Variants in THSD4 observed in about 807,000 individuals in gnomAD.
THSD4 encodes the protein thrombospondin type 1 domain containing 4.
A neutral mutation model predicts 119.0 loss-of-function variants in THSD4; 69 were observed. That is an observed-to-expected ratio of 0.58 (90% CI 0.48 to 0.71). The LOEUF (loss-of-function observed/expected upper bound fraction) is 0.71, where lower values mean the gene tolerates loss of function less well. Ranked by LOEUF, THSD4 falls within the 30% of genes least tolerant of loss-of-function variation. The pLI is 0.00. For missense variants in THSD4, 1,393 were observed against 1,391.1 expected (o/e 1.00, Z -0.02); for synonymous variants, 524 against 540.4 (o/e 0.97, Z 0.42).
chr15:71,743,284 T>G (rs2053271731), intron 11 of THSD4, among the ~76,000 whole-genome samples: 1 of 152,206 alleles, frequency 6.6e-6, no homozygotes, highest in African/African-American at 2.4e-5. Context: ...TAAAAAAATT[T>G]GATTTCTCCC....
rs577037459 is a variant in THSD4, at chr15:71,433,786, G to A, written c.1152+21963G>A. Among the ~76,000 whole-genome samples, 193 of 152,196 alleles carry A rather than the reference G, an allele frequency of 1.3e-3. 1 individual carries two copies. Among genetic ancestry groups the A allele is most frequent in the Non-Finnish European group, 2.2e-3 (151 of 68,020 alleles). On this transcript the variant is annotated intron_variant, in intron 7 of 17. Coordinates refer to ENST00000261862, the MANE Select transcript of THSD4 (RefSeq NM_024817.3). The stretch of plus-strand genomic sequence containing the variant: ...GAATGATGGGGCCATGTTAGGCTGG[G>A]CCCTGCCCTGTAGCTGATGGCCCAG...
At chr15:71,583,155 G>A (rs2140852503) in intron 7 of THSD4, among the ~76,000 whole-genome samples, 1 of 152,024 alleles carries the variant, frequency 6.6e-6, no homozygotes, top group East Asian at 1.9e-4. Context: ...CTTAGTAGGT[G>A]GTATATGTTT....
chr15:71,477,916 G>A (rs1376088091), intron 7 of THSD4, among the ~76,000 whole-genome samples: 1 of 151,898 alleles, frequency 6.6e-6, no homozygotes, highest in Non-Finnish European at 1.5e-5. Context: ...AATCTGGCAC[G>A]ATGTAGCAGA....
At chr15:71,665,830 C>T (rs944224762) in intron 8 of THSD4, among the ~76,000 whole-genome samples, 1 of 151,922 alleles carries the variant, frequency 6.6e-6, no homozygotes. Flanking sequence ...TATTTCTGGG[C>T]CTTATTTCTC....
intron 6 of THSD4, among the ~76,000 whole-genome samples, chr15:71,298,676 G>A (rs1182139145): frequency 1.4e-5 from 2 of 144,278 alleles, no homozygotes; most frequent in Admixed American, 7.2e-5. Flanking sequence ...GCAGTGGTGC[G>A]ATCTCGGCTC....
rs1294604448 is a variant in THSD4, at chr15:71,780,741, A to C, written c.*3367A>C. 2.2e-6 allele frequency: 1 copy of C among 455,480 alleles called. No homozygotes were observed. Among genetic ancestry groups the C allele is most frequent in the African/African-American group, 2.0e-5 (1 of 49,976 alleles). The allele number at this position is 455,480 out of a possible 1,614,324, so 28.2% of individuals were successfully genotyped here. On this transcript the variant is annotated 3_prime_UTR_variant, in exon 18 of 18. Transcript: ENST00000261862. ...TCCCTTTACCTTACCTCTCTGGCCC[A>C]GAGTTCTTGGAGGGTTTTTTCTTTA...
chr15:71,194,051 G>A (rs1435815155), intron 3 of THSD4, among the ~76,000 whole-genome samples: 2 of 152,126 alleles, frequency 1.3e-5, no homozygotes, highest in African/African-American at 2.4e-5. Flanking sequence ...CCTTTCACTT[G>A]GCTCTCACTC....
chr15:71,174,846 C>T (rs558310619), intron 3 of THSD4, among the ~76,000 whole-genome samples: 82 of 151,718 alleles, frequency 5.4e-4, no homozygotes, highest in African/African-American at 1.8e-3. Flanking sequence ...CCCGAGCAGC[C>T]TAACTGGGAG....
At chr15:71,470,172 A>AT (rs902094087) in intron 7 of THSD4, among the ~76,000 whole-genome samples, 2 of 152,008 alleles carry the variant, frequency 1.3e-5, no homozygotes, top group East Asian at 1.9e-4. Flanking sequence ...AAATCTTTTC[A>AT]TTTTTTTTCT....
chr15:71,174,304 G>T (rs35872156), intron 3 of THSD4, among the ~76,000 whole-genome samples: 154 of 148,830 alleles, frequency 1.0e-3, no homozygotes, highest in African/African-American at 3.7e-3. Context: ...CCGAAGCAGG[G>T]CGAGGCATTG....
chr15:71,262,117 G>A (rs6494900), intron 6 of THSD4, among the ~76,000 whole-genome samples: 150,805 of 152,282 alleles, frequency 0.99, 74,687 homozygotes, highest in Middle Eastern at 1. Flanking sequence ...AAACAGCTGC[G>A]CTCATTCAGT....
At chr15:71,188,355 C>T (rs1032183694) in intron 3 of THSD4, among the ~76,000 whole-genome samples, 1 of 152,062 alleles carries the variant, frequency 6.6e-6, no homozygotes, top group South Asian at 2.1e-4. Flanking sequence ...AAAGGGTCAC[C>T]TAGATGGAGC....
At chr15:71,731,322 G>C in intron 10 of THSD4, 105 bp downstream of exon 10, 1 of 1,107,310 alleles carries the variant, frequency 9.0e-7, no homozygotes, top group Non-Finnish European at 1.3e-6. Context: ...TCAACACAGA[G>C]AAAATTGAGG....
chr15:71,442,884 C>T (rs1424896850), intron 7 of THSD4, among the ~76,000 whole-genome samples: 1 of 151,064 alleles, frequency 6.6e-6, no homozygotes, highest in African/African-American at 2.4e-5. Flanking sequence ...GGCATCGTTG[C>T]TCCTTTTACT....
At chr15:71,764,969 C>T (rs2053689556) in intron 15 of THSD4, 51 bp from the exon 16 acceptor site, 1 of 1,568,046 alleles carries the variant, frequency 6.4e-7, no homozygotes, top group African/African-American at 1.3e-5. Flanking sequence ...ACAGTAGCTG[C>T]CACCCCCTTT....
At chr15:71,409,386 G>A (rs2046652750) in intron 6 of THSD4, among the ~76,000 whole-genome samples, 1 of 152,186 alleles carries the variant, frequency 6.6e-6, no homozygotes, top group African/African-American at 2.4e-5. Context: ...GCTGGGGAGA[G>A]AGGGAATGGG....
chr15:71,506,952 G>T (rs2048199409), intron 7 of THSD4, among the ~76,000 whole-genome samples: 1 of 152,250 alleles, frequency 6.6e-6, no homozygotes, highest in African/African-American at 2.4e-5. Flanking sequence ...TAGGCAGGGG[G>T]AAGTGGAATA....
intron 7 of THSD4, among the ~76,000 whole-genome samples, chr15:71,572,300 C>T (rs1471781121): frequency 6.6e-6 from 1 of 152,204 alleles, no homozygotes; most frequent in Non-Finnish European, 1.5e-5. Flanking sequence ...CTTGATTGTT[C>T]ATAGCTGAAT....
chr15:71,247,284 G>T (rs765506696), intron 5 of THSD4, among the ~76,000 whole-genome samples: 2 of 152,050 alleles, frequency 1.3e-5, no homozygotes, highest in African/African-American at 2.4e-5. Context: ...GTGCAGTGGC[G>T]CAGTCTTTTA....
Sources: allele counts gnomAD v4.1 joint callset (sites outside exome capture counted in the v4.1 genomes callset), GRCh38; gene constraint gnomAD v4.1.1; transcripts MANE v1.5; gene names NCBI Gene and HGNC (gene_info 2026-07-23, HGNC 2026-07-21).